DSN1: variants seen among roughly 807,000 people sequenced by gnomAD.
DSN1 encodes the protein kinetochore-associated protein DSN1 homolog.
DSN1 carries 31 observed loss-of-function variants against 45.7 expected under a neutral mutation model. The ratio of observed to expected loss-of-function variants is 0.68; its 90% CI spans 0.51 to 0.92. The LOEUF is 0.92. Among genes scored for constraint, DSN1 ranks in the 40% least tolerant of loss-of-function variants. DSN1 has a pLI of 0.00. For synonymous variants in DSN1, 134 were observed against 142.3 expected, an observed-to-expected ratio of 0.94 and a Z score of 0.41; for missense variants, 394 against 414.2, an observed-to-expected ratio of 0.95 and a Z score of 0.42.
chr20:36,763,455 G>GGGTA (rs1453897091), intron 5 of DSN1, among the ~76,000 whole-genome samples: 5 of 147,110 alleles, frequency 3.4e-5, no homozygotes, highest in Non-Finnish European at 7.5e-5. Context: ...ATAGGCAAGA[G>GGGTA]GGTAATAAGA....
chr20:36,764,963 GAAAA>G (rs1307548268), intron 5 of DSN1, among the ~76,000 whole-genome samples: 2 of 149,992 alleles, frequency 1.3e-5, no homozygotes, highest in South Asian at 2.1e-4. Flanking sequence ...CTAAAAATAT[GAAAA>G]AAGAAAAAAT....
intron 3 of DSN1, among the ~76,000 whole-genome samples, chr20:36,768,568 G>C (rs1987475590): frequency 6.6e-6 from 1 of 152,180 alleles, no homozygotes. Flanking sequence ...GTAGAGACAG[G>C]GTTTCCCCAT....
Position 36,771,475 on chromosome 20 carries a change from T to C in DSN1, c.-15-2A>G. 4 of 1,613,236 alleles carry C rather than the reference T, an allele frequency of 2.5e-6. No homozygotes were observed. Among genetic ancestry groups the C allele is most frequent in the African/African-American group, 1.3e-5 (1 of 75,030 alleles). Reference sequence around the variant, plus strand: ...TGAAGTCATCCTAGGTGGTAAACTCTGAAAATAGGAAAATGGAAGTGATCT... The same window carrying C: ...TGAAGTCATCCTAGGTGGTAAACTCCGAAAATAGGAAAATGGAAGTGATCT... On this transcript the variant is annotated splice_acceptor_variant, in intron 1 of 10. Coordinates refer to ENST00000373750, the MANE Select transcript of DSN1 (RefSeq NM_001145315.2). LOFTEE classifies it low-confidence loss of function (5UTR_SPLICE).
Position 36,755,795 on chromosome 20 carries a change from C to T in DSN1, c.760G>A (p.Val254Met). ...STEAKITEVK[V>M]EPMTYLGSSQ... ...GACCCAAGATATGTCATAGGTTCCA[C>T]TTTGACCTCAGTAATTTTGGCCTCA... Residue 254 changes from valine (V) to methionine (M), a missense_variant, in exon 9 of 11, where the codon GTG becomes ATG. Coordinates refer to ENST00000373750, the MANE Select transcript of DSN1 (RefSeq NM_001145315.2). The T allele has an allele frequency of 6.2e-7, 1 of 1,613,404 alleles. No homozygotes were observed. Among genetic ancestry groups the T allele is most frequent in the Admixed American group, 1.7e-5 (1 of 59,732 alleles).
At chr20:36,757,589 A>T (rs1986745465) in intron 8 of DSN1, among the ~76,000 whole-genome samples, 1 of 152,000 alleles carries the variant, frequency 6.6e-6, no homozygotes, top group South Asian at 2.1e-4. Flanking sequence ...AACAAAACAA[A>T]ACAAAACAAC....
rs950509024 is a variant in DSN1 at position 36,752,173 on chromosome 20, G to A, written c.*615C>T. The A allele has an allele frequency of 6.6e-6, 1 of 151,958 alleles. No individual in the cohort carries two copies. The highest frequency in any genetic ancestry group is 2.4e-5 in the African/African-American group (1 of 41,336). 9.4% of individuals were successfully genotyped at this position (151,958 alleles called of 1,614,324 possible). A position where few individuals can be genotyped will look rare whatever the true frequency, so the allele number is the denominator to read the frequency against. On this transcript the variant is annotated 3_prime_UTR_variant, in exon 11 of 11. Coordinates refer to ENST00000373750, the MANE Select transcript of DSN1 (RefSeq NM_001145315.2). ...GGGCTCAAACAATCCTCCCACCTCA[G>A]CCTTCTGAGTAGCTAGCACTACAGG...
In DSN1 at chr20:36,758,596, CA is replaced by C; in HGVS notation, c.611del (p.Leu204TrpfsTer8). 1 of 1,611,220 alleles carries C rather than the reference CA, an allele frequency of 6.2e-7. No individual in the cohort carries two copies. Among genetic ancestry groups the C allele is most frequent in the Non-Finnish European group, 8.5e-7 (1 of 1,179,370 alleles). On this transcript the variant is annotated frameshift_variant, in exon 7 of 11. Transcript: ENST00000373750. LOFTEE classifies it high-confidence loss of function. ...CCTTCATCTCAGCCACAGATGCTTC[CA>C]AAGAAAAATCTGATGCTTTTCTGGA... ...DSNGKASDFS[L>X]EASVAEMKEY...
Position 36,752,865 on chromosome 20 carries a change from G to C in DSN1, c.994C>G (p.Pro332Ala). The stretch of plus-strand genomic sequence containing the variant: ...TGAAGCTTCAACAGTTTTCGAGCTG[G>C]TGAGGGATCTAATTGTTGCATGCTT... ...KRSMQQLDPS[P>A]ARKLLKLQLQ... The change falls in exon 11 of 11, where the codon CCA becomes GCA. Residue 332 changes from proline (P) to alanine (A), a missense_variant. Transcript: ENST00000373750. The C allele has an allele frequency of 6.2e-7, 1 of 1,614,202 alleles. No individual in the cohort carries two copies.
Position 36,758,080 on chromosome 20 carries a change from A to T in DSN1, c.725+7T>A. 6.2e-7 allele frequency: 1 copy of T among 1,613,248 alleles called. No homozygotes were observed. The highest frequency in any genetic ancestry group is 8.5e-7 in the Non-Finnish European group (1 of 1,179,394). Reference sequence around the variant, plus strand: ...TTTAAAGAGTTTTTACAGTTCATAGATCTAACCTGGACAATATCTCTTTAG... The same window carrying T: ...TTTAAAGAGTTTTTACAGTTCATAGTTCTAACCTGGACAATATCTCTTTAG... On this transcript the variant is annotated splice_region_variant and intron_variant, in intron 8 of 10. Transcript: ENST00000373750.
At chr20:36,755,591 C>T (rs1986624213) in intron 9 of DSN1, 91 bp downstream of exon 9, 2 of 1,463,264 alleles carry the variant, frequency 1.4e-6, no homozygotes, top group African/African-American at 1.4e-5. Context: ...ATTCAACTTA[C>T]ACTTATACAT....
chr20:36,763,497 A>T (rs896616882), intron 5 of DSN1, among the ~76,000 whole-genome samples: 6 of 151,732 alleles, frequency 4.0e-5, no homozygotes, highest in African/African-American at 1.5e-4. Flanking sequence ...TTATGGGCAT[A>T]GCCGGGCATA....
At chr20:36,766,745 C>T (rs920891401) in intron 5 of DSN1, 24 bp downstream of exon 5, 1 of 1,601,256 alleles carries the variant, frequency 6.2e-7, no homozygotes, top group African/African-American at 1.3e-5. Context: ...AGGGTCAAAG[C>T]TCACTCATCT....
intron 3 of DSN1, 28 bp downstream of exon 3, chr20:36,770,845 T>TGTCTCTTATCTGAGCTGGAAC: frequency 6.3e-7 from 1 of 1,577,836 alleles, no homozygotes; most frequent in Non-Finnish European, 8.6e-7. Flanking sequence ...AGCTGGAACC[T>TGTCTCTTATCTGAGCTGGAAC]CACTGTCTTG....
Position 36,773,391 on chromosome 20 carries a change from C to T in DSN1, c.-16+271G>A, listed in dbSNP as rs565730658. 18 of 985,552 alleles carry T rather than the reference C, an allele frequency of 1.8e-5. No homozygotes were observed. In the East Asian group the frequency reaches 1.6e-3, roughly 87 times the overall value. The allele number at this position is 985,552 out of a possible 1,614,324, so 61.1% of individuals were successfully genotyped here. ...GAACCCCAGCCCTCTACCCAGTCCT[C>T]ACCCCTGTTTCTGGAGCCTAGACCC... On this transcript the variant is annotated intron_variant, in intron 1 of 10. Transcript: ENST00000373750.
At chr20:36,773,199 C>G (rs939202486) in intron 1 of DSN1, among the ~76,000 whole-genome samples, 2 of 152,224 alleles carry the variant, frequency 1.3e-5, no homozygotes, top group Non-Finnish European at 2.9e-5. Context: ...GTGCTAGGAC[C>G]TGTGCTATGT....
chr20:36,757,018 A>G (rs1029541125), intron 8 of DSN1, among the ~76,000 whole-genome samples: 2 of 152,188 alleles, frequency 1.3e-5, no homozygotes, highest in Non-Finnish European at 2.9e-5. Context: ...CTATCTCAAA[A>G]AAAAGCTTAA....
At chr20:36,757,474 G>A (rs1228058994) in intron 8 of DSN1, among the ~76,000 whole-genome samples, 1 of 152,166 alleles carries the variant, frequency 6.6e-6, no homozygotes, top group East Asian at 1.9e-4. Context: ...AGCTACTCAG[G>A]AGGCTGAGGC....
intron 4 of DSN1, 47 bp downstream of exon 4, chr20:36,767,922 T>TA: frequency 6.4e-7 from 1 of 1,570,602 alleles, no homozygotes; most frequent in Non-Finnish European, 8.8e-7. Flanking sequence ...ATTGTCACAA[T>TA]AGCAGTTAAC....
intron 6 of DSN1, among the ~76,000 whole-genome samples, chr20:36,759,127 T>C (rs549244680): frequency 3.3e-5 from 5 of 152,104 alleles, no homozygotes; most frequent in African/African-American, 1.2e-4. Flanking sequence ...GGACTACAAG[T>C]GCCCATGACC....
Sources: gnomAD v4.1 joint callset for allele counts (sites outside exome capture counted in the v4.1 genomes callset) on GRCh38, gnomAD v4.1.1 for gene constraint, MANE v1.5 for transcripts, NCBI Gene and HGNC (gene_info 2026-07-23, HGNC 2026-07-21) for gene names.